The following ZNF331 variants were observed in gnomAD, a reference collection of about 807,000 sequenced individuals.
ZNF331 encodes the protein zinc finger protein 331.
A neutral mutation model predicts 7.0 loss-of-function variants in ZNF331; 2 were observed. The ratio of observed to expected loss-of-function variants is 0.29; its 90% confidence interval spans 0.12 to 0.90. ZNF331 has a LOEUF of 0.90. ZNF331 is among the 40% of genes least tolerant of loss of function. The probability of loss-of-function intolerance (pLI) is 0.58; values close to 1 mark genes in which losing one functional copy is unlikely to be tolerated. For missense variants in ZNF331, 432 were observed against 587.7 expected (o/e 0.74, Z 2.74); for synonymous variants, 196 against 205.4 (o/e 0.95, Z 0.39).
At chr19:53,567,476 G>A (rs1450979378) in intron 3 of ZNF331, among the ~76,000 whole-genome samples, 1 of 152,072 alleles carries the variant, frequency 6.6e-6, no homozygotes, top group Non-Finnish European at 1.5e-5. Context: ...CATGGGTATG[G>A]TCTGCATAGA....
intron 4 of ZNF331, among the ~76,000 whole-genome samples, chr19:53,569,980 G>T (rs564598219): frequency 6.6e-6 from 1 of 152,304 alleles, no homozygotes; most frequent in South Asian, 2.1e-4. Flanking sequence ...AGGGGGCCGG[G>T]TGTGGTGGCT....
At chr19:53,540,241 A>G (rs963405534) in intron 2 of ZNF331, among the ~76,000 whole-genome samples, 5 of 152,090 alleles carry the variant, frequency 3.3e-5, no homozygotes, top group Non-Finnish European at 7.3e-5. Context: ...ACAAACATTT[A>G]TTGCTCACAG....
chr19:53,526,530 T>C (rs1254129782), intron 2 of ZNF331, among the ~76,000 whole-genome samples: 1 of 151,530 alleles, frequency 6.6e-6, no homozygotes, highest in Middle Eastern at 3.4e-3. Flanking sequence ...TTCTACATTA[T>C]TCAATTTTTT....
Position 53,571,512 on chromosome 19 carries a change from T to C in ZNF331, c.10-92T>C. On this transcript the variant is annotated intron_variant, in intron 4 of 5. Transcript: ENST00000449416. The surrounding 1 kb of genome is among the most constrained non-coding windows in gnomAD (Gnocchi z 4.7). ...TCACGGGTGTTCAGTCTGCTCACGGTGTTCACCCTACCCAGAGGGTGGCCT... is the reference window on the plus strand; with the variant it reads ...TCACGGGTGTTCAGTCTGCTCACGGCGTTCACCCTACCCAGAGGGTGGCCT... 6.5e-7 allele frequency: 1 copy of C among 1,532,828 alleles called. No individual in the cohort carries two copies. The highest frequency in any genetic ancestry group is 8.9e-7 in the Non-Finnish European group (1 of 1,128,074). 95.0% of individuals were successfully genotyped at this position (1,532,828 alleles called of 1,614,324 possible).
chr19:53,510,783 T>C, the ZNF331 span, among the ~76,000 whole-genome samples: 1 of 152,014 alleles, frequency 6.6e-6, no homozygotes, highest in Admixed American at 6.5e-5. Flanking sequence ...ATATTGATTT[T>C]TTTTACCCAA....
At chr19:53,542,469 T>C (rs1476258357) in intron 2 of ZNF331, among the ~76,000 whole-genome samples, 2 of 152,230 alleles carry the variant, frequency 1.3e-5, no homozygotes, top group Non-Finnish European at 2.9e-5. Flanking sequence ...GTAACAAATA[T>C]GGGCTGTATA....
chr19:53,540,400 A>C (rs1253915895), intron 2 of ZNF331, among the ~76,000 whole-genome samples: 1 of 151,842 alleles, frequency 6.6e-6, no homozygotes, highest in Middle Eastern at 3.2e-3. Context: ...GAGCTCTAGG[A>C]GGTGTGTGTG....
chr19:53,553,451 A>G (rs1339522978), intron 2 of ZNF331, among the ~76,000 whole-genome samples: 1 of 152,232 alleles, frequency 6.6e-6, no homozygotes, highest in African/African-American at 2.4e-5. Flanking sequence ...TATGTGTACA[A>G]CTACCTAAGA....
chr19:53,506,496 C>G, the ZNF331 span, among the ~76,000 whole-genome samples: 88 of 141,660 alleles, frequency 6.2e-4, 2 homozygotes, highest in African/African-American at 2.5e-3. Context: ...GTCTCTCTCT[C>G]TCTCTCTCTC....
At chr19:53,518,584 G>A (rs567957817), upstream of ZNF331, among the ~76,000 whole-genome samples, 48 of 152,254 alleles carry the variant, frequency 3.2e-4, no homozygotes, top group East Asian at 6.5e-3. Flanking sequence ...CCATAGACAC[G>A]CAGGCTCAAG....
At chr19:53,547,018 C>G (rs142510954) in intron 2 of ZNF331, among the ~76,000 whole-genome samples, 1 of 152,142 alleles carries the variant, frequency 6.6e-6, no homozygotes, top group African/African-American at 2.4e-5. Flanking sequence ...TGTGTTTATA[C>G]TGCAGATTAA....
At chr19:53,527,474 C>T (rs1363917329) in intron 2 of ZNF331, among the ~76,000 whole-genome samples, 1 of 151,984 alleles carries the variant, frequency 6.6e-6, no homozygotes, top group East Asian at 1.9e-4. Flanking sequence ...TGCCAGTGGG[C>T]CCAATGTAAT....
At chr19:53,530,559 G>A (rs1163702740) in intron 2 of ZNF331, among the ~76,000 whole-genome samples, 3 of 152,202 alleles carry the variant, frequency 2.0e-5, no homozygotes, top group African/African-American at 7.2e-5. Flanking sequence ...GACCAATAGG[G>A]TAAGGCGAAT....
intron 2 of ZNF331, among the ~76,000 whole-genome samples, chr19:53,524,672 T>G (rs1194960531): frequency 3.3e-5 from 5 of 152,182 alleles, no homozygotes; most frequent in African/African-American, 1.2e-4. Flanking sequence ...TAGCCCTTTG[T>G]GAGATAGGTA....
At position 53,560,816 on chromosome 19, in the gene ZNF331, T is replaced by C. The variant is rs1008019698; in HGVS notation, c.-74+4908T>C. 2.6e-5 allele frequency among the ~76,000 whole-genome samples: 4 copies of C among 152,182 alleles called. No homozygotes were observed. The highest frequency in any genetic ancestry group is 4.4e-5 in the Non-Finnish European group (3 of 68,040). Reference sequence around the variant, plus strand: ...AGTTTAAGGACTCTGGTCATTACATTGCGCTTGCTTCTATAACTCAAGAGA... The same window carrying C: ...AGTTTAAGGACTCTGGTCATTACATCGCGCTTGCTTCTATAACTCAAGAGA... On this transcript the variant is annotated intron_variant, in intron 3 of 5. Coordinates refer to ENST00000449416, the MANE Select transcript of ZNF331 (RefSeq NM_001079906.2). The surrounding 1 kb of genome is among the most constrained non-coding windows in gnomAD (Gnocchi z 4.3).
rs1322231584 is a variant in ZNF331, at chr19:53,560,314, A to G, written c.-74+4406A>G. 6.6e-6 allele frequency among the ~76,000 whole-genome samples: 1 copy of G among 151,974 alleles called. No homozygotes were observed. The highest frequency in any genetic ancestry group is 1.5e-5 in the Non-Finnish European group (1 of 67,982). On this transcript the variant is annotated intron_variant, in intron 3 of 5. Coordinates refer to ENST00000449416, the MANE Select transcript of ZNF331 (RefSeq NM_001079906.2). The surrounding 1 kb of genome is among the most constrained non-coding windows in gnomAD (Gnocchi z 4.3). ...ACATATATATATACACCCACACCAT[A>G]TACACACACATACACATATATAAAC...
intron 2 of ZNF331, among the ~76,000 whole-genome samples, chr19:53,540,048 C>G (rs2088030704): frequency 6.6e-6 from 1 of 152,144 alleles, no homozygotes; most frequent in Non-Finnish European, 1.5e-5. Flanking sequence ...TTTGTAAATA[C>G]CTTATCCAAC....
upstream of ZNF331, among the ~76,000 whole-genome samples, chr19:53,515,182 C>T (rs1181337483): frequency 6.6e-6 from 1 of 152,160 alleles, no homozygotes; most frequent in Non-Finnish European, 1.5e-5. Context: ...TTCTCCTGCT[C>T]CGCGTTCTGT....
Position 53,571,490 on chromosome 19 carries a change from C to T in ZNF331, c.10-114C>T, listed in dbSNP as rs112110719. On this transcript the variant is annotated intron_variant, in intron 4 of 5. Coordinates refer to ENST00000449416, the MANE Select transcript of ZNF331 (RefSeq NM_001079906.2). This position sits in a 1 kb window ranked among gnomAD's most constrained non-coding sequence, Gnocchi z 4.7. ...TCCTTACCGCCCCTTGCCGATGTCA[C>T]GGGTGTTCAGTCTGCTCACGGTGTT... The T allele has an allele frequency of 2.5e-3, 3,445 of 1,363,702 alleles. 68 individuals are homozygous for T. The African/African-American group carries it at 0.044, about 18-fold the overall frequency. 84.5% of individuals were successfully genotyped at this position (1,363,702 alleles called of 1,614,324 possible).
Sources: gnomAD v4.1 joint callset for allele counts (sites outside exome capture counted in the v4.1 genomes callset) on GRCh38, gnomAD v4.1.1 for gene constraint, Gnocchi (gnomAD v3.1) non-coding constraint, MANE v1.5 for transcripts, NCBI Gene and HGNC (gene_info 2026-07-23, HGNC 2026-07-21) for gene names.